PID1: variants seen among roughly 807,000 people sequenced by gnomAD.
The protein encoded by PID1 is phosphotyrosine interaction domain containing 1, also known as PTB-containing, cubilin and LRP1-interacting protein.
PID1 carries 10 observed loss-of-function variants against 19.1 expected under a neutral mutation model. The ratio of observed to expected loss-of-function variants is 0.52; its 90% CI spans 0.32 to 0.89. The LOEUF (loss-of-function observed/expected upper bound fraction) is 0.89, where lower values mean the gene tolerates loss of function less well. Ranked by LOEUF, PID1 falls within the 40% of genes least tolerant of loss-of-function variation. PID1 has a pLI of 0.03. For missense variants in PID1, 248 were observed against 285.3 expected, an observed-to-expected ratio of 0.87 and a Z score of 0.94; for synonymous variants, 130 against 116.0, an observed-to-expected ratio of 1.12 and a Z score of -0.78.
chr2:229,261,182 C>T (rs1048210543), intron 1 of PID1, among the ~76,000 whole-genome samples: 1 of 152,178 alleles, frequency 6.6e-6, no homozygotes, highest in East Asian at 1.9e-4. Flanking sequence ...GTCTCCCTCA[C>T]AGCCCTCAGG....
At chr2:229,098,942 C>T (rs1360540738) in intron 2 of PID1, among the ~76,000 whole-genome samples, 1 of 152,132 alleles carries the variant, frequency 6.6e-6, no homozygotes, top group African/African-American at 2.4e-5. Context: ...TCTTCTCTAC[C>T]ACGCTTCTCT....
chr2:229,242,987 C>T (rs547062898), intron 1 of PID1, among the ~76,000 whole-genome samples: 71 of 152,200 alleles, frequency 4.7e-4, no homozygotes, highest in African/African-American at 1.6e-3. Context: ...AATGCCTATT[C>T]ATCCTTATAT....
At chr2:229,163,116 C>T (rs1690522562) in intron 1 of PID1, among the ~76,000 whole-genome samples, 1 of 152,084 alleles carries the variant, frequency 6.6e-6, no homozygotes, top group Non-Finnish European at 1.5e-5. Context: ...AACCTATAAA[C>T]ATTTTTCATG....
At chr2:229,246,818 G>A (rs1690015422) in intron 1 of PID1, among the ~76,000 whole-genome samples, 1 of 152,106 alleles carries the variant, frequency 6.6e-6, no homozygotes, top group Admixed American at 6.6e-5. Flanking sequence ...CTCCAGCTGG[G>A]TTGGTCAGCA....
chr2:229,126,282 T>A (rs144590624), intron 2 of PID1, among the ~76,000 whole-genome samples: 8 of 152,276 alleles, frequency 5.3e-5, no homozygotes, highest in African/African-American at 1.9e-4. Context: ...TAAAAATGCA[T>A]TTGGAGCCAA....
chr2:229,270,894 G>T, intron 1 of PID1, 120 bp downstream of exon 1: 1 of 815,302 alleles, frequency 1.2e-6, no homozygotes, highest in South Asian at 2.0e-5. Context: ...TGTTGCCATC[G>T]ATGCGTCTTA....
At chr2:229,027,277 A>G (rs745727704) in intron 2 of PID1, among the ~76,000 whole-genome samples, 1 of 152,230 alleles carries the variant, frequency 6.6e-6, no homozygotes, top group Non-Finnish European at 1.5e-5. Context: ...TTTAATAAAG[A>G]TGTGTAAGTG....
chr2:229,168,587 A>C (rs1157881203), intron 1 of PID1, among the ~76,000 whole-genome samples: 4 of 152,122 alleles, frequency 2.6e-5, no homozygotes, highest in Admixed American at 2.6e-4. Context: ...CTATATGTTC[A>C]TGCATGCTTT....
intron 1 of PID1, among the ~76,000 whole-genome samples, chr2:229,262,125 G>A (rs185702590): frequency 6.6e-6 from 1 of 152,178 alleles, no homozygotes; most frequent in Non-Finnish European, 1.5e-5. Context: ...GCTACCCAGA[G>A]AGCCTACAGG....
intron 2 of PID1, among the ~76,000 whole-genome samples, chr2:229,031,809 T>C (rs540189711): frequency 2.0e-5 from 3 of 152,318 alleles, no homozygotes; most frequent in East Asian, 3.9e-4. Context: ...CTGACCTATG[T>C]CTGTGCACTT....
In PID1 at chr2:229,024,295, CAG is replaced by C. The variant is rs1316857078; in HGVS notation, c.*1335_*1336del. 1 of 152,520 alleles carries C rather than the reference CAG, an allele frequency of 6.6e-6. No homozygotes were observed. The highest frequency in any genetic ancestry group is 1.5e-5 in the Non-Finnish European group (1 of 68,050). The allele number at this position is 152,520 out of a possible 1,614,324, so 9.4% of individuals were successfully genotyped here. A position where few individuals can be genotyped will look rare whatever the true frequency, so the allele number is the denominator to read the frequency against. On this transcript the variant is annotated 3_prime_UTR_variant, in exon 3 of 3. Transcript: ENST00000392055. ...CCCCTAATATTACCAGGATTGAAAA[CAG>C]ACTTTTAGGAAGGAGCAGCATTACT...
chr2:229,030,939 C>T (rs544442399), intron 2 of PID1, among the ~76,000 whole-genome samples: 16 of 151,950 alleles, frequency 1.1e-4, no homozygotes, highest in Non-Finnish European at 1.8e-4. Context: ...TGTTAATGGC[C>T]GGGTGCAGTG....
At chr2:229,111,823 A>C (rs1695303591) in intron 2 of PID1, among the ~76,000 whole-genome samples, 2 of 152,230 alleles carry the variant, frequency 1.3e-5, no homozygotes, top group Admixed American at 1.3e-4. Context: ...TGTTCTCATC[A>C]TGTGATAAGT....
At chr2:229,227,889 C>T (rs1329577300) in intron 1 of PID1, 1 of 442,912 alleles carries the variant, frequency 2.3e-6, no homozygotes, top group East Asian at 7.0e-5. Context: ...TGTAAGTAAT[C>T]TAGAGATGAT....
chr2:229,049,545 A>G (rs1461111214), intron 2 of PID1, among the ~76,000 whole-genome samples: 1 of 152,198 alleles, frequency 6.6e-6, no homozygotes, highest in African/African-American at 2.4e-5. Flanking sequence ...AATTATAAGC[A>G]CCCAAATACA....
intron 1 of PID1, among the ~76,000 whole-genome samples, chr2:229,212,041 G>T (rs1691748386): frequency 6.6e-6 from 1 of 152,128 alleles, no homozygotes; most frequent in Admixed American, 6.5e-5. Context: ...AAGACAGGTG[G>T]TATCAAACTG....
intron 2 of PID1, among the ~76,000 whole-genome samples, chr2:229,059,403 A>G (rs1165019904): frequency 6.6e-6 from 1 of 152,242 alleles, no homozygotes; most frequent in East Asian, 1.9e-4. Context: ...CTGAATACCT[A>G]TTATGTGCTA....
intron 2 of PID1, among the ~76,000 whole-genome samples, chr2:229,083,173 C>T (rs1016782028): frequency 9.2e-5 from 14 of 152,268 alleles, no homozygotes; most frequent in African/African-American, 3.1e-4. Flanking sequence ...CATTTCTTTC[C>T]ATGGCCCAAC....
chr2:229,088,383 G>C (rs192514981), intron 2 of PID1, among the ~76,000 whole-genome samples: 3 of 151,942 alleles, frequency 2.0e-5, no homozygotes, highest in Non-Finnish European at 4.4e-5. Flanking sequence ...TGAGGACAGC[G>C]TTTTCATACC....
Sources: allele counts gnomAD v4.1 joint callset (sites outside exome capture counted in the v4.1 genomes callset), GRCh38; gene constraint gnomAD v4.1.1; transcripts MANE v1.5; gene names NCBI Gene and HGNC (gene_info 2026-07-23, HGNC 2026-07-21).